KCNH8: variants seen among roughly 807,000 people sequenced by gnomAD.
The protein encoded by KCNH8 is voltage-gated delayed rectifier potassium channel KCNH8.
Under a neutral mutation model 103.6 loss-of-function variants are expected in KCNH8, and 70 were observed. The observed-to-expected ratio is 0.68, with a 90% CI of 0.56 to 0.82. The LOEUF is 0.82. Among genes scored for constraint, KCNH8 ranks in the 40% least tolerant of loss-of-function variants. The pLI is 0.00. For synonymous variants in KCNH8, 498 were observed against 489.4 expected (o/e 1.02, Z -0.23); for missense variants, 1,217 against 1,329.9 (o/e 0.92, Z 1.32).
intron 5 of KCNH8, among the ~76,000 whole-genome samples, chr3:19,363,242 C>G (rs2065969418): frequency 6.6e-6 from 1 of 152,174 alleles, no homozygotes; most frequent in African/African-American, 2.4e-5. Flanking sequence ...ACTCTAGGGA[C>G]TGACATGCAT....
chr3:19,500,537 C>T (rs1022403928), intron 11 of KCNH8, among the ~76,000 whole-genome samples: 3 of 152,136 alleles, frequency 2.0e-5, no homozygotes, highest in African/African-American at 7.2e-5. Context: ...GGAAGTAAAG[C>T]TTTCCTCAGC....
At chr3:19,344,809 T>C (rs1371842766) in intron 4 of KCNH8, among the ~76,000 whole-genome samples, 2 of 152,134 alleles carry the variant, frequency 1.3e-5, no homozygotes, top group African/African-American at 4.8e-5. Context: ...CAAATTCCTT[T>C]TACTTACATC....
chr3:19,425,964 G>A (rs888051129), intron 7 of KCNH8, among the ~76,000 whole-genome samples: 2 of 151,616 alleles, frequency 1.3e-5, no homozygotes, highest in African/African-American at 4.8e-5. Context: ...GGGCCAGAGA[G>A]TGGAGAAGCA....
At chr3:19,260,486 G>GAATATATA (rs2064416195) in intron 2 of KCNH8, among the ~76,000 whole-genome samples, 1 of 39,640 alleles carries the variant, frequency 2.5e-5, no homozygotes, top group African/African-American at 8.3e-5. Context: ...TTACTCTATA[G>GAATATATA]GATATATATA....
At chr3:19,502,803 A>C (rs1209807424) in intron 11 of KCNH8, among the ~76,000 whole-genome samples, 2 of 149,844 alleles carry the variant, frequency 1.3e-5, no homozygotes, top group African/African-American at 4.9e-5. Flanking sequence ...CTTAAACGTT[A>C]GACCTAAAAC....
intron 3 of KCNH8, among the ~76,000 whole-genome samples, chr3:19,320,039 C>T (rs1027756161): frequency 6.6e-6 from 1 of 151,882 alleles, no homozygotes; most frequent in African/African-American, 2.4e-5. Flanking sequence ...ATTCATTTAC[C>T]TGTTCTGGGA....
chr3:19,276,797 A>G (rs2064679565), intron 2 of KCNH8, among the ~76,000 whole-genome samples: 2 of 152,178 alleles, frequency 1.3e-5, no homozygotes, highest in Non-Finnish European at 2.9e-5. Flanking sequence ...AAAAGTATGG[A>G]ATGGTCTTCA....
chr3:19,490,145 G>A (rs2068287856), intron 11 of KCNH8, among the ~76,000 whole-genome samples: 1 of 152,222 alleles, frequency 6.6e-6, no homozygotes, highest in Non-Finnish European at 1.5e-5. Flanking sequence ...CCGCAGGGAT[G>A]CTCCACAGGG....
chr3:19,509,948 G>T (rs533045528), intron 11 of KCNH8, among the ~76,000 whole-genome samples: 1 of 151,558 alleles, frequency 6.6e-6, no homozygotes, highest in African/African-American at 2.4e-5. Flanking sequence ...GAAAAATCGA[G>T]GAAGATGAGC....
intron 7 of KCNH8, among the ~76,000 whole-genome samples, chr3:19,431,395 G>T (rs1447405005): frequency 6.6e-6 from 1 of 152,130 alleles, no homozygotes; most frequent in Non-Finnish European, 1.5e-5. Context: ...CTAGTATTTT[G>T]TTGAGAGTTT....
chr3:19,338,365 C>T (rs773115264), intron 3 of KCNH8, among the ~76,000 whole-genome samples: 7 of 151,944 alleles, frequency 4.6e-5, no homozygotes, highest in Non-Finnish European at 1.0e-4. Flanking sequence ...TTTTAGCCCT[C>T]GGTCATCCAT....
At position 19,456,814 on chromosome 3, in the gene KCNH8, G is replaced by A. The variant is rs1451594335; in HGVS notation, c.1872G>A (p.Val624=). ...CAAATCTATCAATTAAGGACCAAGT[G>A]ATCAAGACCAATGCAGATGTAAAGG... ...IGANLSIKDQ[V]IKTNADVKAL... Residue 624 remains valine, a synonymous_variant, in exon 11 of 16, where the codon GTG becomes GTA. Coordinates refer to ENST00000328405, the MANE Select transcript of KCNH8 (RefSeq NM_144633.3). 1 of 1,612,022 alleles carries A rather than the reference G, an allele frequency of 6.2e-7. No individual in the cohort carries two copies. The highest frequency in any genetic ancestry group is 1.1e-5 in the South Asian group (1 of 91,002).
At chr3:19,482,889 T>C (rs2068116545) in intron 11 of KCNH8, among the ~76,000 whole-genome samples, 1 of 152,208 alleles carries the variant, frequency 6.6e-6, no homozygotes, top group African/African-American at 2.4e-5. Context: ...TAGTCAAGGC[T>C]CTGCCGGTTT....
At chr3:19,322,948 T>C (rs932298120) in intron 3 of KCNH8, among the ~76,000 whole-genome samples, 2 of 152,184 alleles carry the variant, frequency 1.3e-5, no homozygotes, top group Non-Finnish European at 1.5e-5. Flanking sequence ...CTTCAAGCTC[T>C]GAAGTTCTTT....
At chr3:19,207,276 T>C (rs2063727149) in intron 1 of KCNH8, among the ~76,000 whole-genome samples, 1 of 151,932 alleles carries the variant, frequency 6.6e-6, no homozygotes, top group Admixed American at 6.6e-5. Flanking sequence ...GGCATTCAAA[T>C]AGGAAATAAA....
At chr3:19,194,076 G>C (rs2125212278) in intron 1 of KCNH8, among the ~76,000 whole-genome samples, 1 of 151,876 alleles carries the variant, frequency 6.6e-6, no homozygotes, top group South Asian at 2.1e-4. Flanking sequence ...TTTGAAGTAT[G>C]CTCGAATGGA....
chr3:19,228,857 A>G (rs1370808623), intron 1 of KCNH8, among the ~76,000 whole-genome samples: 1 of 152,250 alleles, frequency 6.6e-6, no homozygotes, highest in Non-Finnish European at 1.5e-5. Context: ...ATTGTATTTA[A>G]GACACCTACT....
chr3:19,428,966 G>A (rs1051213614), intron 7 of KCNH8, among the ~76,000 whole-genome samples: 1 of 151,850 alleles, frequency 6.6e-6, no homozygotes, highest in African/African-American at 2.4e-5. Context: ...AAATGACTGT[G>A]CCCCCCTTTA....
Position 19,533,753 on chromosome 3 carries a change from A to C in KCNH8, c.2978A>C (p.Tyr993Ser). 6.2e-7 allele frequency: 1 copy of C among 1,614,196 alleles called. No individual in the cohort carries two copies. Among genetic ancestry groups the C allele is most frequent in the South Asian group, 1.1e-5 (1 of 91,084 alleles). The change falls in exon 16 of 16, where the codon TAT (tyrosine) becomes TCT (serine). Residue 993 changes from tyrosine to serine, a missense_variant. Coordinates refer to ENST00000328405, the MANE Select transcript of KCNH8 (RefSeq NM_144633.3). ...CTTTATCATTCTCCAAGCCTTGATT[A>C]TTCACCTTCCCACTACCAGGTTGTC... ...SELYHSPSLDYSPSHYQVVQE... is the reference protein window; with the variant it reads ...SELYHSPSLDSSPSHYQVVQE...
Sources: gnomAD v4.1 joint callset for allele counts (sites outside exome capture counted in the v4.1 genomes callset) on GRCh38, gnomAD v4.1.1 for gene constraint, MANE v1.5 for transcripts, NCBI Gene and HGNC (gene_info 2026-07-23, HGNC 2026-07-21) for gene names.